Variants in EEF1AKMT1 observed in about 807,000 individuals in gnomAD.
EEF1AKMT1 encodes the protein N-6 adenine-specific DNA methyltransferase 2 (putative).
EEF1AKMT1 carries 18 observed loss-of-function variants against 21.0 expected under a neutral mutation model. The ratio of observed to expected loss-of-function variants is 0.86; its 90% CI spans 0.59 to 1.27. The LOEUF is 1.27. Among genes scored for constraint, EEF1AKMT1 ranks in the 50% most tolerant of loss-of-function variants. EEF1AKMT1 has a pLI of 0.00. For missense variants in EEF1AKMT1, 246 were observed against 258.6 expected, an observed-to-expected ratio of 0.95 and a Z score of 0.33; for synonymous variants, 109 against 94.8, an observed-to-expected ratio of 1.15 and a Z score of -0.87.
chr13:20,772,934 C>G lies in EEF1AKMT1; in HGVS notation c.-20+987G>C, dbSNP rs576995119. Among the ~76,000 whole-genome samples the G allele has an allele frequency of 5.3e-5, 8 of 152,254 alleles. 1 individual carries two copies. Among genetic ancestry groups the G allele is most frequent in the African/African-American group, 1.7e-4 (7 of 41,544 alleles). On this transcript the variant is annotated intron_variant, in intron 1 of 4. Transcript: ENST00000382758. ...TGTGATTCAGAGCAAAGAGCATTAA[C>G]CTAGGAGCCATCCCAGACTCCAGTA...
chr13:20,757,429 G>A (rs768399205), intron 2 of EEF1AKMT1, 26 bp downstream of exon 2: 1 of 1,612,618 alleles, frequency 6.2e-7, no homozygotes, highest in Admixed American at 1.7e-5. Context: ...AATACTTCCT[G>A]ATGGCTGTGA....
chr13:20,740,134 C>G (rs61955730), intron 2 of EEF1AKMT1, among the ~76,000 whole-genome samples: 300 of 152,354 alleles, frequency 2.0e-3, no homozygotes, highest in South Asian at 7.7e-3. Flanking sequence ...GCCGGTAGTG[C>G]TGGGATCCGG....
chr13:20,749,869 T>G (rs1456291702), intron 2 of EEF1AKMT1, among the ~76,000 whole-genome samples: 1 of 152,242 alleles, frequency 6.6e-6, no homozygotes. Context: ...GTTTTTCTTC[T>G]GGAAGGCTCT....
At chr13:20,729,353 G>T in intron 4 of EEF1AKMT1, 137 bp from the exon 5 acceptor site, 1 of 965,238 alleles carries the variant, frequency 1.0e-6, no homozygotes, top group Non-Finnish European at 1.5e-6. Context: ...GAGGGAGCGA[G>T]TGTTCTTTAC....
At chr13:20,738,691 T>G (rs1303295908) in intron 2 of EEF1AKMT1, among the ~76,000 whole-genome samples, 1 of 152,134 alleles carries the variant, frequency 6.6e-6, no homozygotes, top group Admixed American at 6.5e-5. Context: ...CATGGATGAG[T>G]CTTGGAAACA....
intron 3 of EEF1AKMT1, 21 bp from the exon 4 acceptor site, chr13:20,732,142 A>C: frequency 6.3e-7 from 1 of 1,589,262 alleles, no homozygotes; most frequent in Non-Finnish European, 8.6e-7. Context: ...AAATGAACAC[A>C]CCATGAAACA....
Position 20,728,998 on chromosome 13 carries a change from A to G in EEF1AKMT1, c.*82T>C. On this transcript the variant is annotated 3_prime_UTR_variant, in exon 5 of 5. Coordinates refer to ENST00000382758, the MANE Select transcript of EEF1AKMT1 (RefSeq NM_001318939.2). ...CTCCAGTTTGGGGGGAGGGGAAGAG[A>G]TTATAACTTTTAAATCTACTACGAA... 6.4e-7 allele frequency: 1 copy of G among 1,561,274 alleles called. No individual in the cohort carries two copies. Among genetic ancestry groups the G allele is most frequent in the South Asian group, 1.1e-5 (1 of 87,974 alleles).
intron 2 of EEF1AKMT1, among the ~76,000 whole-genome samples, chr13:20,753,779 T>C (rs76513083): frequency 1.8e-4 from 27 of 152,292 alleles, no homozygotes; most frequent in East Asian, 7.7e-4. Context: ...TCTTTTTTTT[T>C]CCATCCCTTT....
intron 2 of EEF1AKMT1, among the ~76,000 whole-genome samples, chr13:20,751,720 T>C (rs1225405233): frequency 6.6e-6 from 1 of 152,142 alleles, no homozygotes; most frequent in African/African-American, 2.4e-5. Context: ...GGGATTGTAC[T>C]GGATATATAC....
At chr13:20,766,298 C>CAAAAAAAAAAAAAAAAAAA in intron 1 of EEF1AKMT1, among the ~76,000 whole-genome samples, 1 of 76,758 alleles carries the variant, frequency 1.3e-5, no homozygotes, top group Non-Finnish European at 2.3e-5. Flanking sequence ...GACTCCATCT[C>CAAAAAAAAAAAAAAAAAAA]AAAAAAAAAA....
intron 1 of EEF1AKMT1, among the ~76,000 whole-genome samples, chr13:20,773,590 C>T (rs1322982670): frequency 6.6e-6 from 1 of 152,254 alleles, no homozygotes; most frequent in Admixed American, 6.5e-5. Context: ...GGGAGGCCTC[C>T]ACGCGCTGCC....
chr13:20,731,229 C>T (rs2058793489), intron 4 of EEF1AKMT1, among the ~76,000 whole-genome samples: 1 of 152,192 alleles, frequency 6.6e-6, no homozygotes, highest in Non-Finnish European at 1.5e-5. Flanking sequence ...CCAGCCTGGT[C>T]TAGAACTCCT....
chr13:20,741,291 G>A (rs1479102834), intron 2 of EEF1AKMT1, among the ~76,000 whole-genome samples: 2 of 151,732 alleles, frequency 1.3e-5, no homozygotes, highest in African/African-American at 4.8e-5. Context: ...TTCTTTTCTG[G>A]AAGACAGACT....
At chr13:20,751,936 T>C (rs2058943601) in intron 2 of EEF1AKMT1, among the ~76,000 whole-genome samples, 1 of 152,190 alleles carries the variant, frequency 6.6e-6, no homozygotes, top group South Asian at 2.1e-4. Flanking sequence ...TCTCGATTTC[T>C]TTCTCAGCTA....
chr13:20,765,776 T>C (rs1482482666), intron 1 of EEF1AKMT1, among the ~76,000 whole-genome samples: 1 of 152,096 alleles, frequency 6.6e-6, no homozygotes, highest in Non-Finnish European at 1.5e-5. Context: ...AATTTTTTTT[T>C]TTTTAGAATT....
chr13:20,742,341 T>G, intron 2 of EEF1AKMT1, among the ~76,000 whole-genome samples: 1 of 151,428 alleles, frequency 6.6e-6, no homozygotes, highest in Admixed American at 6.6e-5. Context: ...TAGAAGATCT[T>G]TATACAGTCT....
chr13:20,751,533 C>T (rs1255223633), intron 2 of EEF1AKMT1, among the ~76,000 whole-genome samples: 2 of 152,062 alleles, frequency 1.3e-5, no homozygotes, highest in African/African-American at 2.4e-5. Context: ...GTTGTAATAC[C>T]GATACCATGC....
rs891993683 is a variant in EEF1AKMT1 at position 20,728,861 on chromosome 13, A to G, written c.*219T>C. 59 of 578,812 alleles carry G rather than the reference A, an allele frequency of 1.0e-4. No individual in the cohort carries two copies. The highest frequency in any genetic ancestry group is 3.7e-4 in the Admixed American group (12 of 32,592). 35.9% of individuals were successfully genotyped at this position (578,812 alleles called of 1,614,324 possible). A position where few individuals can be genotyped will look rare whatever the true frequency, so the allele number is the denominator to read the frequency against. ...CAGGCAGATTCTAAGGTTTCTTCCA[A>G]CTCGAATTCCATGGATTCAGGTTGG... On this transcript the variant is annotated 3_prime_UTR_variant, in exon 5 of 5. Transcript: ENST00000382758.
At chr13:20,763,081 C>G (rs1420359664) in intron 1 of EEF1AKMT1, among the ~76,000 whole-genome samples, 1 of 152,176 alleles carries the variant, frequency 6.6e-6, no homozygotes, top group Non-Finnish European at 1.5e-5. Flanking sequence ...CACCTATCTT[C>G]ATGAGGTATA....
Sources: allele counts gnomAD v4.1 joint callset (sites outside exome capture counted in the v4.1 genomes callset), GRCh38; gene constraint gnomAD v4.1.1; transcripts MANE v1.5; gene names NCBI Gene and HGNC (gene_info 2026-07-23, HGNC 2026-07-21).